OR6Y1: variants seen among roughly 807,000 people sequenced by gnomAD.
OR6Y1 encodes olfactory receptor 6Y1.
OR6Y1 carries 1 observed loss-of-function variant against 0.4 expected under a neutral mutation model. That is an observed-to-expected ratio of 2.74 (90% CI 0.97 to 13.02). OR6Y1 has a LOEUF of 13.02. Among genes scored for constraint, OR6Y1 ranks in the 30% most tolerant of loss-of-function variants. The pLI is 0.12. For synonymous variants in OR6Y1, 173 were observed against 141.1 expected (o/e 1.23, Z -1.60); for missense variants, 480 against 399.8 (o/e 1.20, Z -1.71).
At position 158,547,138 on chromosome 1, in the gene OR6Y1, A is replaced by G. The variant is rs1647560916; in HGVS notation, c.968T>C (p.Phe323Ser). Residue 323 changes from phenylalanine (F) to serine (S), a missense_variant, in exon 2 of 2, where the codon TTC becomes TCC. Coordinates refer to ENST00000641622, the MANE Select transcript of OR6Y1 (RefSeq NM_001005189.2). The part of the protein sequence containing the change: ...RGSGPQGNGA[F>S]SS ...GAATCTATACATTTTTTAACTACTG[A>G]AAGCCCCATTTCCCTGGGGCCCACT... is the stretch of plus-strand genomic sequence containing the variant. The G allele has an allele frequency of 6.2e-7, 1 of 1,611,718 alleles. No homozygotes were observed. Among genetic ancestry groups the G allele is most frequent in the Non-Finnish European group, 8.5e-7 (1 of 1,179,378 alleles).
intron 1 of OR6Y1, among the ~76,000 whole-genome samples, chr1:158,552,325 G>C (rs1267274953): frequency 6.6e-6 from 1 of 151,344 alleles, no homozygotes; most frequent in Non-Finnish European, 1.5e-5. Flanking sequence ...GCTTAACTGG[G>C]ACATTTAATG....
At position 158,548,075 on chromosome 1, in the gene OR6Y1, G is replaced by T. The variant is rs145078451; in HGVS notation, c.31C>A (p.His11Asn). The change falls in exon 2 of 2, where the codon CAT becomes AAT. Residue 11 changes from histidine to asparagine, a missense_variant. Transcript: ENST00000641622. MTTIILEVDN[H>N]TVTTRFILLG... ...AGAATGAAACGTGTTGTCACTGTAT[G>T]ATTATCTACTTCCAGAATTATGGTG... The T allele has an allele frequency of 1.9e-6, 3 of 1,613,018 alleles. No individual in the cohort carries two copies. The South Asian group carries it at 3.3e-5, about 18-fold the overall frequency.
chr1:158,547,029 A>C lies in OR6Y1; in HGVS notation c.*99T>G. ...CACACACACAGAGGAGAGCAGTGTT[A>C]CAGTACTGGAGATTGGGGGATAACC... On this transcript the variant is annotated 3_prime_UTR_variant, in exon 2 of 2. Transcript: ENST00000641622. The C allele has an allele frequency of 9.0e-7, 1 of 1,117,282 alleles. No individual in the cohort carries two copies. Among genetic ancestry groups the C allele is most frequent in the Non-Finnish European group, 1.3e-6 (1 of 778,488 alleles). 69.2% of individuals were successfully genotyped at this position (1,117,282 alleles called of 1,614,324 possible). A position where few individuals can be genotyped will look rare whatever the true frequency, so the allele number is the denominator to read the frequency against.
In OR6Y1 at chr1:158,547,392, G is replaced by A. The variant is rs760025878; in HGVS notation, c.714C>T (p.Gly238=). The part of the protein sequence containing the change: ...ATILRIPSAQ[G]RQKAFSTCAS... ...CACAGGTGGAGAATGCCTTTTGGCG[G>A]CCCTGAGCAGAAGGGATCCTGAGGA... Residue 238 remains glycine (G), a synonymous_variant, in exon 2 of 2, where the codon GGC becomes GGT. Transcript: ENST00000641622. The A allele has an allele frequency of 1.8e-5, 29 of 1,613,472 alleles. No homozygotes were observed. The highest frequency in any genetic ancestry group is 1.5e-4 in the Admixed American group (9 of 59,962).
At position 158,545,333 on chromosome 1, in the gene OR6Y1, G is replaced by C. The variant is rs947630617; in HGVS notation, c.*1795C>G. Reference sequence around the variant, plus strand: ...TCACACTCCGGGGAATGTTGTGGGTGGGGGGAGGGGGGAGGGATAGCATTA... The same window carrying C: ...TCACACTCCGGGGAATGTTGTGGGTCGGGGGAGGGGGGAGGGATAGCATTA... On this transcript the variant is annotated 3_prime_UTR_variant, in exon 2 of 2. Transcript: ENST00000641622. The C allele has an allele frequency of 7.8e-6, 1 of 128,382 alleles. No individual in the cohort carries two copies. Among genetic ancestry groups the C allele is most frequent in the East Asian group, 2.7e-4 (1 of 3,740 alleles). The allele number at this position is 128,382 out of a possible 1,614,324, so 8.0% of individuals were successfully genotyped here.
chr1:158,547,350 G>A lies in OR6Y1; in HGVS notation c.756C>T (p.Val252=), dbSNP rs114824139. The A allele has an allele frequency of 7.5e-4, 1,212 of 1,613,506 alleles. 40 individuals carry two copies. The African/African-American group carries it at 0.015, about 19-fold the overall frequency. ...GTGTCATGGAATAGAAGAGAATTAC[G>A]ACGGTCAGGTGGGAGGCACAGGTGG... ...AFSTCASHLT[V]VILFYSMTLF... is the part of the protein sequence containing the mutation. The change falls in exon 2 of 2, where the codon GTC becomes GTT. Residue 252 remains valine, a synonymous_variant. Coordinates refer to ENST00000641622, the MANE Select transcript of OR6Y1 (RefSeq NM_001005189.2).
At chr1:158,550,863 T>C (rs536955842) in intron 1 of OR6Y1, among the ~76,000 whole-genome samples, 2 of 151,908 alleles carry the variant, frequency 1.3e-5, no homozygotes, top group East Asian at 3.9e-4. Context: ...ATATATGGAA[T>C]CATCTTTACT....
In OR6Y1 at chr1:158,548,191, C is replaced by A. The variant is rs1411205589; in HGVS notation, c.-86G>T. 3 of 1,381,662 alleles carry A rather than the reference C, an allele frequency of 2.2e-6. No homozygotes were observed. The highest frequency in any genetic ancestry group is 2.9e-5 in the African/African-American group (2 of 68,000). The allele number at this position is 1,381,662 out of a possible 1,614,324, so 85.6% of individuals were successfully genotyped here. On this transcript the variant is annotated 5_prime_UTR_variant, in exon 2 of 2. Coordinates refer to ENST00000641622, the MANE Select transcript of OR6Y1 (RefSeq NM_001005189.2). The stretch of plus-strand genomic sequence containing the variant: ...TATTTGTATTGATAGAGCCCACCAC[C>A]AGCAAATTTATCACAATAGGAGGTT...
At chr1:158,550,506 C>A (rs2101709387) in intron 1 of OR6Y1, among the ~76,000 whole-genome samples, 1 of 151,336 alleles carries the variant, frequency 6.6e-6, no homozygotes, top group African/African-American at 2.4e-5. Context: ...AGGTCCCTAG[C>A]AGTCAAGCAG....
chr1:158,553,021 C>A (rs1647740902), intron 1 of OR6Y1, among the ~76,000 whole-genome samples: 1 of 152,210 alleles, frequency 6.6e-6, no homozygotes, highest in Non-Finnish European at 1.5e-5. Flanking sequence ...GTAAGCCCCT[C>A]TGCACCTCTC....
chr1:158,546,783 G>T lies in OR6Y1; in HGVS notation c.*345C>A, dbSNP rs1647547459. 2 of 199,140 alleles carry T rather than the reference G, an allele frequency of 1.0e-5. No individual in the cohort carries two copies. Among genetic ancestry groups the T allele is most frequent in the Non-Finnish European group, 2.1e-5 (2 of 97,034 alleles). The allele number at this position is 199,140 out of a possible 1,614,324, so 12.3% of individuals were successfully genotyped here. On this transcript the variant is annotated 3_prime_UTR_variant, in exon 2 of 2. Transcript: ENST00000641622. ...TTCTTTATATTTAATTGTTTGTCCT[G>T]TATGGCATTTATTTTGATAAGTTGT...
At position 158,546,420 on chromosome 1, in the gene OR6Y1, G is replaced by A. The variant is rs1468631479; in HGVS notation, c.*708C>T. The A allele has an allele frequency of 6.6e-6, 1 of 151,896 alleles. No individual in the cohort carries two copies. The highest frequency in any genetic ancestry group is 2.4e-5 in the African/African-American group (1 of 41,310). The allele number at this position is 151,896 out of a possible 1,614,324, so 9.4% of individuals were successfully genotyped here. On this transcript the variant is annotated 3_prime_UTR_variant, in exon 2 of 2. Transcript: ENST00000641622. The stretch of plus-strand genomic sequence containing the variant: ...AAAGTGTTTTTTAATATTTAAGGTT[G>A]GTATATGTTATTATAACATTAATAA...
intron 1 of OR6Y1, among the ~76,000 whole-genome samples, chr1:158,550,247 T>G (rs1647668007): frequency 6.6e-6 from 1 of 151,656 alleles, no homozygotes; most frequent in African/African-American, 2.4e-5. Flanking sequence ...CATTCTTGGG[T>G]AGCTGCTTCA....
intron 1 of OR6Y1, among the ~76,000 whole-genome samples, chr1:158,553,810 T>C (rs1647766990): frequency 2.6e-5 from 4 of 152,298 alleles, no homozygotes; most frequent in Non-Finnish European, 5.9e-5. Context: ...GAATCTGTGC[T>C]TTGAAAGGCA....
At position 158,547,469 on chromosome 1, in the gene OR6Y1, C is replaced by A. The variant is rs201660712; in HGVS notation, c.637G>T (p.Ala213Ser). 2.3e-4 allele frequency: 368 copies of A among 1,613,394 alleles called. No homozygotes were observed. The highest frequency in any genetic ancestry group is 2.8e-4 in the Non-Finnish European group (331 of 1,180,002). The change falls in exon 2 of 2, where the codon GCT becomes TCT. Residue 213 changes from alanine to serine, a missense_variant. Transcript: ENST00000641622. Reference sequence around the variant, plus strand: ...GCCACCACAACACAAAGAGGAATAGCAATGACCATGAGGGCCAAGAAGAAG... The same window carrying A: ...GCCACCACAACACAAAGAGGAATAGAAATGACCATGAGGGCCAAGAAGAAG... The part of the protein sequence containing the change: ...VDFFLALMVI[A>S]IPLCVVVASY...
At chr1:158,550,231 T>C (rs1034051114) in intron 1 of OR6Y1, among the ~76,000 whole-genome samples, 1 of 151,646 alleles carries the variant, frequency 6.6e-6, no homozygotes, top group Non-Finnish European at 1.5e-5. Context: ...TTGCAATAGA[T>C]ATTGTCATTC....
chr1:158,549,180 C>T lies in OR6Y1; in HGVS notation c.-1075G>A, dbSNP rs1647636014. ...CTGTTGGGAGTAATATCAGAGAAAACAAGCAAGAATTCTATTAGTGACTCT... is the reference window on the plus strand; with the variant it reads ...CTGTTGGGAGTAATATCAGAGAAAATAAGCAAGAATTCTATTAGTGACTCT... On this transcript the variant is annotated 5_prime_UTR_variant, in exon 2 of 2. Coordinates refer to ENST00000641622, the MANE Select transcript of OR6Y1 (RefSeq NM_001005189.2). 1 of 151,734 alleles carries T rather than the reference C, an allele frequency of 6.6e-6. No individual in the cohort carries two copies. Among genetic ancestry groups the T allele is most frequent in the Admixed American group, 6.6e-5 (1 of 15,252 alleles). The allele number at this position is 151,734 out of a possible 1,614,324, so 9.4% of individuals were successfully genotyped here.
chr1:158,552,509 A>G (rs1235119012), intron 1 of OR6Y1, among the ~76,000 whole-genome samples: 2 of 152,024 alleles, frequency 1.3e-5, no homozygotes, highest in East Asian at 3.9e-4. Flanking sequence ...TCCCACAGCT[A>G]GTGGGCAATG....
Position 158,548,179 on chromosome 1 carries a change from A to G in OR6Y1, c.-74T>C, listed in dbSNP as rs2101708159. On this transcript the variant is annotated 5_prime_UTR_variant, in exon 2 of 2. Coordinates refer to ENST00000641622, the MANE Select transcript of OR6Y1 (RefSeq NM_001005189.2). ...CTAGTCTATGGTTATTTGTATTGAT[A>G]GAGCCCACCACCAGCAAATTTATCA... is the stretch of plus-strand genomic sequence containing the variant. 1 of 1,460,146 alleles carries G rather than the reference A, an allele frequency of 6.8e-7. No homozygotes were observed. Among genetic ancestry groups the G allele is most frequent in the South Asian group, 1.4e-5 (1 of 73,770 alleles). 90.4% of individuals were successfully genotyped at this position (1,460,146 alleles called of 1,614,324 possible).
Sources: gnomAD v4.1 joint callset for allele counts (sites outside exome capture counted in the v4.1 genomes callset) on GRCh38, gnomAD v4.1.1 for gene constraint, MANE v1.5 for transcripts, NCBI Gene and HGNC (gene_info 2026-07-23, HGNC 2026-07-21) for gene names.